The following CXCL13 variants were observed in gnomAD, a reference collection of about 807,000 sequenced individuals.
CXCL13 encodes C-X-C motif chemokine 13.
In CXCL13, 7 loss-of-function variants were observed where a neutral mutation model predicts 12.2. That is an observed-to-expected ratio of 0.57 (90% confidence interval 0.33 to 1.07). The LOEUF (loss-of-function observed/expected upper bound fraction) is 1.07, where lower values mean the gene tolerates loss of function less well. Ranked by LOEUF, CXCL13 falls within the 50% of genes least tolerant of loss-of-function variation. The pLI is 0.04. For synonymous variants in CXCL13, 47 were observed against 42.4 expected (o/e 1.11, Z -0.42); for missense variants, 113 against 127.4 (o/e 0.89, Z 0.55).
At chr4:77,528,932 A>G (rs1262039906) in intron 1 of CXCL13, among the ~76,000 whole-genome samples, 1 of 152,188 alleles carries the variant, frequency 6.6e-6, no homozygotes, top group Non-Finnish European at 1.5e-5. Context: ...TAAGTCTTTA[A>G]TCCATCTTGA....
chr4:77,569,658 C>A (rs899576676), intron 1 of CXCL13, among the ~76,000 whole-genome samples: 1 of 152,146 alleles, frequency 6.6e-6, no homozygotes, highest in Non-Finnish European at 1.5e-5. Flanking sequence ...ATTTCAGGCT[C>A]ACGGATAGGA....
chr4:77,560,470 G>A (rs998493229), intron 1 of CXCL13, among the ~76,000 whole-genome samples: 2 of 152,094 alleles, frequency 1.3e-5, no homozygotes, highest in African/African-American at 2.4e-5. Context: ...TGCCTTTTGA[G>A]GTACAACTTA....
chr4:77,526,645 A>G (rs1357110900), intron 1 of CXCL13, among the ~76,000 whole-genome samples: 1 of 152,170 alleles, frequency 6.6e-6, no homozygotes, highest in Non-Finnish European at 1.5e-5. Flanking sequence ...GAGGAAAGAA[A>G]CAAGGTCCCT....
At chr4:77,525,864 G>A (rs1724749909) in intron 1 of CXCL13, among the ~76,000 whole-genome samples, 1 of 151,160 alleles carries the variant, frequency 6.6e-6, no homozygotes, top group Non-Finnish European at 1.5e-5. Context: ...GTGGGGAAAT[G>A]AAAATTTTCC....
intron 1 of CXCL13, among the ~76,000 whole-genome samples, chr4:77,533,951 G>A (rs1353351003): frequency 6.6e-6 from 1 of 152,136 alleles, no homozygotes; most frequent in Admixed American, 6.5e-5. Flanking sequence ...CTTTGATTAG[G>A]AAAGGGAATT....
rs897578854 is a variant in CXCL13 at position 77,611,677 on chromosome 4, C to T, written c.*638C>T. ...TTTAAAGGGTGATGTACACATGTAT[C>T]CTTTCACACATTTGCCTTGACAAAC... On this transcript the variant is annotated 3_prime_UTR_variant, in exon 4 of 4. Transcript: ENST00000682537. 2 of 398,666 alleles carry T rather than the reference C, an allele frequency of 5.0e-6. No homozygotes were observed. The allele number at this position is 398,666 out of a possible 1,614,324, so 24.7% of individuals were successfully genotyped here.
At chr4:77,519,686 T>C (rs903461263) in intron 1 of CXCL13, among the ~76,000 whole-genome samples, 1 of 152,232 alleles carries the variant, frequency 6.6e-6, no homozygotes, top group African/African-American at 2.4e-5. Context: ...GTGATGGTAG[T>C]TTCTTTTGCT....
At chr4:77,539,645 T>C (rs1219880170) in intron 1 of CXCL13, among the ~76,000 whole-genome samples, 1 of 152,218 alleles carries the variant, frequency 6.6e-6, no homozygotes, top group Non-Finnish European at 1.5e-5. Flanking sequence ...ATATGCCAGT[T>C]AAACTCCACC....
chr4:77,519,088 C>T (rs914640271), intron 1 of CXCL13, among the ~76,000 whole-genome samples: 7 of 152,166 alleles, frequency 4.6e-5, no homozygotes, highest in South Asian at 4.2e-4. Flanking sequence ...GTATCAGCAG[C>T]GGTGTCTGCA....
In CXCL13 at chr4:77,556,528, G is replaced by A. The variant is rs114786931; in HGVS notation, c.-43+44740G>A. On this transcript the variant is annotated intron_variant, in intron 1 of 4. Transcript: ENST00000286758. ...TCCTATAGCTTGATCGGGGTGGTAGGTGCACAAATGTATACATGTGTCAAA... is the reference window on the plus strand; with the variant it reads ...TCCTATAGCTTGATCGGGGTGGTAGATGCACAAATGTATACATGTGTCAAA... Among the ~76,000 whole-genome samples, 520 of 152,172 alleles carry A rather than the reference G, an allele frequency of 3.4e-3. 4 individuals are homozygous for A. Among genetic ancestry groups the A allele is most frequent in the African/African-American group, 0.011 (454 of 41,528 alleles).
intron 1 of CXCL13, among the ~76,000 whole-genome samples, chr4:77,535,907 C>G (rs1456453083): frequency 6.6e-6 from 1 of 152,188 alleles, no homozygotes; most frequent in Non-Finnish European, 1.5e-5. Context: ...GTCTGAATTC[C>G]TGTCCCACAA....
At position 77,522,514 on chromosome 4, in the gene CXCL13, C is replaced by CTTTTTTTTTTTTTTTTTTTTTT. The variant is rs777857811; in HGVS notation, c.-43+10735_-43+10756dup. On this transcript the variant is annotated intron_variant, in intron 1 of 4. Coordinates refer to the CXCL13 transcript ENST00000286758. ...TCAGAGACTAGGACTGCAACCCCTGCTTTTTTTTTTTTTTTTTTTTTTTTT... is the reference window on the plus strand; with the variant it reads ...TCAGAGACTAGGACTGCAACCCCTGCTTTTTTTTTTTTTTTTTTTTTTTTTTTTTTTTTTTTTTTTTTTTTTT... 3.0e-4 allele frequency among the ~76,000 whole-genome samples: 3 copies of CTTTTTTTTTTTTTTTTTTTTTT among 10,090 alleles called. 1 individual carries two copies. The highest frequency in any genetic ancestry group is 4.1e-4 in the Non-Finnish European group (2 of 4,918). The allele number at this position is 10,090 out of a possible 152,430, so 6.6% of individuals were successfully genotyped here. A position where few individuals can be genotyped will look rare whatever the true frequency, so the allele number is the denominator to read the frequency against.
Position 77,577,361 on chromosome 4 carries a change from C to G in CXCL13, c.-42-28463C>G, listed in dbSNP as rs114226772. Among the ~76,000 whole-genome samples, 809 of 152,222 alleles carry G rather than the reference C, an allele frequency of 5.3e-3. 4 individuals are homozygous for G. Among genetic ancestry groups the G allele is most frequent in the African/African-American group, 0.019 (771 of 41,520 alleles). On this transcript the variant is annotated intron_variant, in intron 1 of 4. Coordinates refer to the CXCL13 transcript ENST00000286758. ...TAATAAGGAGTTCATCCAACCCCCACCAAGACACATTTTTGGTCCCAAACT... is the reference window on the plus strand; with the variant it reads ...TAATAAGGAGTTCATCCAACCCCCAGCAAGACACATTTTTGGTCCCAAACT...
In CXCL13 at chr4:77,523,394, G is replaced by A. The variant is rs185031773; in HGVS notation, c.-43+11606G>A. On this transcript the variant is annotated intron_variant, in intron 1 of 4. Transcript: ENST00000286758. ...TTCATAGAGTCGCATATTTCTTGGA[G>A]GCTTCGTTCATTTCTTTTTACTCTT... Among the ~76,000 whole-genome samples the A allele has an allele frequency of 2.6e-3, 392 of 152,228 alleles. 3 individuals carry two copies. Among genetic ancestry groups the A allele is most frequent in the Non-Finnish European group, 2.3e-3 (158 of 68,006 alleles).
intron 1 of CXCL13, among the ~76,000 whole-genome samples, chr4:77,583,620 G>T (rs1436213812): frequency 6.6e-6 from 1 of 152,196 alleles, no homozygotes; most frequent in East Asian, 1.9e-4. Flanking sequence ...CCTTTCCCTT[G>T]ATCCCAGAGG....
At chr4:77,543,017 T>G (rs1725245867) in intron 1 of CXCL13, among the ~76,000 whole-genome samples, 1 of 152,156 alleles carries the variant, frequency 6.6e-6, no homozygotes, top group South Asian at 2.1e-4. Flanking sequence ...TGGTAGGTTT[T>G]TTATTACTGA....
intron 1 of CXCL13, among the ~76,000 whole-genome samples, chr4:77,515,793 C>T (rs1315805065): frequency 6.6e-6 from 1 of 152,198 alleles, no homozygotes; most frequent in African/African-American, 2.4e-5. Flanking sequence ...ACTGAATACC[C>T]TTTATTTCCT....
intron 1 of CXCL13, among the ~76,000 whole-genome samples, chr4:77,572,787 ATATTCATTGCAGCAC>A (rs1463233558): frequency 6.6e-6 from 1 of 151,980 alleles, no homozygotes; most frequent in African/African-American, 2.4e-5. Context: ...ATGCACACAT[ATATTCATTGCAGCAC>A]TATTCACAAT....
intron 1 of CXCL13, among the ~76,000 whole-genome samples, chr4:77,525,930 T>A (rs1240616991): frequency 1.4e-4 from 21 of 151,398 alleles, no homozygotes; most frequent in South Asian, 2.1e-4. Context: ...GTTTTTTTTT[T>A]ATTATTTTTG....
Sources: gnomAD v4.1 joint callset for allele counts (sites outside exome capture counted in the v4.1 genomes callset) on GRCh38, gnomAD v4.1.1 for gene constraint, MANE v1.5 for transcripts, NCBI Gene and HGNC (gene_info 2026-07-23, HGNC 2026-07-21) for gene names.